CCZ1: variants seen among roughly 807,000 people sequenced by gnomAD.
CCZ1 encodes vacuolar fusion protein CCZ1 homolog.
Under a neutral mutation model 57.8 loss-of-function variants are expected in CCZ1, and 19 were observed. The ratio of observed to expected loss-of-function variants is 0.33; its 90% CI spans 0.23 to 0.48. CCZ1 has a LOEUF of 0.48. Ranked by LOEUF, CCZ1 falls within the 20% of genes least tolerant of loss-of-function variation. The pLI is 0.99. For synonymous variants in CCZ1, 81 were observed against 167.0 expected, an observed-to-expected ratio of 0.49 and a Z score of 3.97; for missense variants, 200 against 492.0, an observed-to-expected ratio of 0.41 and a Z score of 5.61.
In CCZ1 at chr7:5,904,683, T is replaced by C. The variant is rs1341559295; in HGVS notation, c.523-411T>C. Among the ~76,000 whole-genome samples the C allele has an allele frequency of 2.3e-4, 34 of 146,592 alleles. 3 individuals carry two copies. Among genetic ancestry groups the C allele is most frequent in the African/African-American group, 8.3e-4 (32 of 38,676 alleles). On this transcript the variant is annotated intron_variant, in intron 6 of 14. Coordinates refer to ENST00000325974, the MANE Select transcript of CCZ1 (RefSeq NM_015622.6). ...CATCTCTACTAAAAATGGAAAAAAATAGCTGGGCATGGTGGCAGGCGCCTG... is the reference window on the plus strand; with the variant it reads ...CATCTCTACTAAAAATGGAAAAAAACAGCTGGGCATGGTGGCAGGCGCCTG...
In CCZ1 at chr7:5,908,564, G is replaced by C. The variant is rs1371663054; in HGVS notation, c.699-1471G>C. 5.4e-5 allele frequency among the ~76,000 whole-genome samples: 8 copies of C among 147,590 alleles called. 1 individual carries two copies. In the East Asian group the frequency reaches 1.6e-3, roughly 29 times the overall value. ...TAGCAAATTTTTATATTTTTTAGTA[G>C]AGACGGTGTTTCGCCATGTTGGCCA... is the stretch of plus-strand genomic sequence containing the variant. On this transcript the variant is annotated intron_variant, in intron 7 of 14. Transcript: ENST00000325974.
chr7:5,920,470 CTTTTT>C (rs200899553), intron 12 of CCZ1, among the ~76,000 whole-genome samples: 1 of 95,978 alleles, frequency 1.0e-5, no homozygotes. Context: ...TTCTCCCTGG[CTTTTT>C]TTTTTTTTTT....
intron 4 of CCZ1, 157 bp from the exon 5 acceptor site, chr7:5,901,500 A>AG: frequency 1.6e-6 from 2 of 1,214,340 alleles, no homozygotes; most frequent in Non-Finnish European, 2.1e-6. Context: ...AAAAAAAAAA[A>AG]GAACGCAAAC....
At position 5,904,973 on chromosome 7, in the gene CCZ1, G is replaced by C; in HGVS notation, c.523-121G>C. ...TTCACCACGGCCTCATTGTTGCGCT[G>C]TTTGCTAGTATGTAATTGTACCATA... On this transcript the variant is annotated intron_variant, in intron 6 of 14. Transcript: ENST00000325974. 1.6e-6 allele frequency: 2 copies of C among 1,267,614 alleles called. 1 individual carries two copies. The highest frequency in any genetic ancestry group is 2.2e-6 in the Non-Finnish European group (2 of 922,240). 78.5% of individuals were successfully genotyped at this position (1,267,614 alleles called of 1,614,324 possible).
chr7:5,900,753 T>C lies in CCZ1; in HGVS notation c.313-102T>C. On this transcript the variant is annotated intron_variant, in intron 3 of 14. Coordinates refer to ENST00000325974, the MANE Select transcript of CCZ1 (RefSeq NM_015622.6). ...CATTCTTGGGGCTGTTTTAAGAAGC[T>C]ATGTTTCTGATGCTGTAGCATGTTC... The C allele has an allele frequency of 2.5e-6, 4 of 1,577,396 alleles. No individual in the cohort carries two copies. The South Asian group carries it at 4.8e-5, about 19-fold the overall frequency.
At chr7:5,908,089 CAG>C (rs1781877676) in intron 7 of CCZ1, among the ~76,000 whole-genome samples, 3 of 141,308 alleles carry the variant, frequency 2.1e-5, no homozygotes, top group Admixed American at 1.4e-4. Context: ...GCCTGGGTGA[CAG>C]AGCAAGACCC....
chr7:5,911,462 C>G lies in CCZ1; in HGVS notation c.781-399C>G, dbSNP rs1234875667. Reference sequence around the variant, plus strand: ...AGACTACAGGTGTGTGCCACCACACCTGGCTAATTTTTTGTAGAGATGGGA... The same window carrying G: ...AGACTACAGGTGTGTGCCACCACACGTGGCTAATTTTTTGTAGAGATGGGA... On this transcript the variant is annotated intron_variant, in intron 8 of 14. Coordinates refer to ENST00000325974, the MANE Select transcript of CCZ1 (RefSeq NM_015622.6). Among the ~76,000 whole-genome samples the G allele has an allele frequency of 1.5e-5, 2 of 130,818 alleles. 1 individual carries two copies. The highest frequency in any genetic ancestry group is 3.3e-5 in the Non-Finnish European group (2 of 61,276). 85.8% of individuals were successfully genotyped at this position (130,818 alleles called of 152,430 possible).
At chr7:5,915,632 C>G (rs550056557) in intron 10 of CCZ1, among the ~76,000 whole-genome samples, 47 of 150,850 alleles carry the variant, frequency 3.1e-4, no homozygotes, top group African/African-American at 1.1e-3. Flanking sequence ...TCATGAGTCT[C>G]CAAGACCATC....
Position 5,924,164 on chromosome 7 carries a change from G to A in CCZ1, c.1393+202G>A, listed in dbSNP as rs1315617105. ...CTGTAGCACAGGAAACTTGGCAATGGCAGAAAGAAAATTATTTTCTACAAT... is the reference window on the plus strand; with the variant it reads ...CTGTAGCACAGGAAACTTGGCAATGACAGAAAGAAAATTATTTTCTACAAT... On this transcript the variant is annotated intron_variant, in intron 14 of 14. Coordinates refer to ENST00000325974, the MANE Select transcript of CCZ1 (RefSeq NM_015622.6). Among the ~76,000 whole-genome samples, 218 of 71,350 alleles carry A rather than the reference G, an allele frequency of 3.1e-3. 2 individuals carry two copies. The highest frequency in any genetic ancestry group is 0.011 in the African/African-American group (208 of 19,296). The allele number at this position is 71,350 out of a possible 152,430, so 46.8% of individuals were successfully genotyped here.
rs534225823 is a variant in CCZ1, at chr7:5,909,257, A to G, written c.699-778A>G. On this transcript the variant is annotated intron_variant, in intron 7 of 14. Transcript: ENST00000325974. ...GTCAGGTGGTGAGCCTCTTGATATA[A>G]TGTTAAAGAGAAAAGCACCAGTAGT... is the stretch of plus-strand genomic sequence containing the variant. 1.1e-4 allele frequency among the ~76,000 whole-genome samples: 17 copies of G among 149,760 alleles called. No homozygotes were observed. In the South Asian group the frequency reaches 2.4e-3, roughly 21 times the overall value.
intron 3 of CCZ1, 52 bp downstream of exon 3, chr7:5,900,618 T>G (rs1781664571): frequency 6.4e-7 from 1 of 1,560,414 alleles, no homozygotes. Flanking sequence ...AAGTTATGGG[T>G]GATCTTTACT....
intron 5 of CCZ1, chr7:5,901,940 T>C: frequency 2.1e-6 from 1 of 476,964 alleles, no homozygotes; most frequent in East Asian, 4.8e-5. Flanking sequence ...TCCCCATTGA[T>C]GAAAAAGTGT....
At chr7:5,899,263 A>C (rs1337363344) in intron 1 of CCZ1, among the ~76,000 whole-genome samples, 81 of 125,212 alleles carry the variant, frequency 6.5e-4, no homozygotes, top group African/African-American at 2.3e-3. Context: ...CTAGCCTTCA[A>C]ATGATGCAAG....
At chr7:5,914,811 G>C (rs1376052110) in intron 10 of CCZ1, among the ~76,000 whole-genome samples, 1 of 145,398 alleles carries the variant, frequency 6.9e-6, no homozygotes, top group South Asian at 2.4e-4. Context: ...GCGAGGCGGA[G>C]GTTGCAGTGA....
chr7:5,903,391 T>A (rs1781728698), intron 6 of CCZ1, among the ~76,000 whole-genome samples: 1 of 145,882 alleles, frequency 6.9e-6, no homozygotes, highest in Non-Finnish European at 1.5e-5. Context: ...AGTGCTGGGG[T>A]TAAAGGCATG....
intron 10 of CCZ1, among the ~76,000 whole-genome samples, chr7:5,914,784 G>C (rs1328786366): frequency 6.8e-6 from 1 of 147,090 alleles, no homozygotes; most frequent in Non-Finnish European, 1.5e-5. Context: ...GCTGAGGCAG[G>C]AGAATCACTT....
At chr7:5,908,916 G>C (rs71524061) in intron 7 of CCZ1, among the ~76,000 whole-genome samples, 20,736 of 144,406 alleles carry the variant, frequency 0.14, 1,471 homozygotes, top group East Asian at 0.49. Flanking sequence ...GTACATTTCT[G>C]AGACCTAGGA....
Position 5,905,233 on chromosome 7 carries a change from A to C in CCZ1, c.662A>C (p.Lys221Thr), listed in dbSNP as rs755976623. The change falls in exon 7 of 15, where the codon AAA becomes ACA. Residue 221 changes from lysine to threonine, a missense_variant. Physicochemically the swap from Lys to Thr is moderately conservative, Grantham distance 78. Transcript: ENST00000325974. ...ATGGAGGAAAGCCTGAATATAGTCAAATACACTGCTTTTCTCTATAACGAT... is the reference window on the plus strand; with the variant it reads ...ATGGAGGAAAGCCTGAATATAGTCACATACACTGCTTTTCTCTATAACGAT... ...NRMEESLNIV[K>T]YTAFLYNDQL... 8.4e-6 allele frequency: 13 copies of C among 1,550,924 alleles called. No individual in the cohort carries two copies. Among genetic ancestry groups the C allele is most frequent in the African/African-American group, 3.0e-5 (2 of 66,974 alleles).
intron 12 of CCZ1, among the ~76,000 whole-genome samples, chr7:5,920,562 C>T (rs1347389569): frequency 1.6e-5 from 2 of 125,714 alleles, no homozygotes; most frequent in Non-Finnish European, 3.5e-5. Context: ...GCCTCCGCCT[C>T]CCAGGCTCAA....
Sources: gnomAD v4.1 joint callset for allele counts (sites outside exome capture counted in the v4.1 genomes callset) on GRCh38, gnomAD v4.1.1 for gene constraint, MANE v1.5 for transcripts, NCBI Gene and HGNC (gene_info 2026-07-23, HGNC 2026-07-21) for gene names.